Variants in CLNK observed in about 807,000 individuals in gnomAD.
CLNK encodes the protein cytokine-dependent hematopoietic cell linker.
A neutral mutation model predicts 68.6 loss-of-function variants in CLNK; 74 were observed. That is an observed-to-expected ratio of 1.08 (90% CI 0.89 to 1.31). The LOEUF is 1.31. Ranked by LOEUF, CLNK falls within the 50% of genes most tolerant of loss-of-function variation. The pLI is 0.00. For missense variants in CLNK, 553 were observed against 515.3 expected, an observed-to-expected ratio of 1.07 and a Z score of -0.71; for synonymous variants, 198 against 172.2, an observed-to-expected ratio of 1.15 and a Z score of -1.17.
intron 2 of CLNK, among the ~76,000 whole-genome samples, chr4:10,648,361 C>A (rs570687212): frequency 1.3e-5 from 2 of 152,258 alleles, no homozygotes; most frequent in Non-Finnish European, 2.9e-5. Flanking sequence ...ACTCCAAGAT[C>A]AAAGAACTAA....
intron 1 of CLNK, among the ~76,000 whole-genome samples, chr4:10,674,681 G>T (rs1724799350): frequency 6.6e-6 from 1 of 152,192 alleles, no homozygotes; most frequent in African/African-American, 2.4e-5. Flanking sequence ...TGAGTGGAGA[G>T]ACCCCTGCCT....
chr4:10,549,888 T>A (rs763827777), intron 8 of CLNK, among the ~76,000 whole-genome samples: 1 of 152,240 alleles, frequency 6.6e-6, no homozygotes, highest in Non-Finnish European at 1.5e-5. Context: ...CAGAGACTCA[T>A]TGGCTTTGCA....
the CLNK span, among the ~76,000 whole-genome samples, chr4:10,718,981 G>T: frequency 6.6e-6 from 1 of 152,130 alleles, no homozygotes; most frequent in African/African-American, 2.4e-5. Flanking sequence ...TGTAGTAAAT[G>T]TTGAATGTAT....
intron 8 of CLNK, among the ~76,000 whole-genome samples, chr4:10,543,074 T>C (rs1719099557): frequency 6.6e-6 from 1 of 152,186 alleles, no homozygotes; most frequent in Non-Finnish European, 1.5e-5. Context: ...CAGGCCAAGC[T>C]TCTGGCTCTG....
At chr4:10,551,931 T>C (rs996518682) in intron 8 of CLNK, among the ~76,000 whole-genome samples, 2 of 151,432 alleles carry the variant, frequency 1.3e-5, no homozygotes, top group African/African-American at 4.9e-5. Context: ...CACTGCAACC[T>C]CTGCCTCCCA....
intron 2 of CLNK, among the ~76,000 whole-genome samples, chr4:10,625,928 CCTT>C (rs1722650524): frequency 1.3e-5 from 2 of 152,228 alleles, no homozygotes; most frequent in Non-Finnish European, 2.9e-5. Flanking sequence ...TGTGTTATGA[CCTT>C]CTCTGTAGTG....
At chr4:10,675,116 A>T (rs1724817364) in intron 1 of CLNK, among the ~76,000 whole-genome samples, 1 of 152,238 alleles carries the variant, frequency 6.6e-6, no homozygotes, top group Non-Finnish European at 1.5e-5. Flanking sequence ...ACAAACCTGC[A>T]GGTTCTGCAC....
chr4:10,733,197 C>T, the CLNK span, among the ~76,000 whole-genome samples: 1 of 152,174 alleles, frequency 6.6e-6, no homozygotes, highest in Non-Finnish European at 1.5e-5. Flanking sequence ...TGCCAGACCT[C>T]TTTCATGGCA....
chr4:10,685,296 T>G (rs1389093629), upstream of CLNK, among the ~76,000 whole-genome samples: 1 of 152,296 alleles, frequency 6.6e-6, no homozygotes, highest in East Asian at 1.9e-4. Flanking sequence ...ATAATAATAT[T>G]TGTATTTTAG....
intron 8 of CLNK, among the ~76,000 whole-genome samples, chr4:10,545,603 G>T (rs540803576): frequency 4.1e-4 from 63 of 152,292 alleles, no homozygotes; most frequent in Middle Eastern, 3.4e-3. Context: ...ATTTTCTGCA[G>T]TGGCCTTGCT....
At chr4:10,562,090 C>G (rs1307994512) in intron 7 of CLNK, among the ~76,000 whole-genome samples, 2 of 128,514 alleles carry the variant, frequency 1.6e-5, no homozygotes, top group Admixed American at 9.5e-5. Context: ...CATTTCTTTT[C>G]TTTTTCTTTT....
At chr4:10,694,390 C>T in the CLNK span, among the ~76,000 whole-genome samples, 2 of 152,072 alleles carry the variant, frequency 1.3e-5, no homozygotes, top group South Asian at 2.1e-4. Flanking sequence ...CAGTCATGCA[C>T]TGCCTAAGGC....
intron 2 of CLNK, among the ~76,000 whole-genome samples, chr4:10,612,580 T>C (rs566186337): frequency 6.6e-6 from 1 of 152,344 alleles, no homozygotes; most frequent in African/African-American, 2.4e-5. Context: ...AAAGACTGTT[T>C]CTTTCCACTG....
chr4:10,574,716 C>T (rs1720487474), intron 4 of CLNK, among the ~76,000 whole-genome samples: 1 of 152,234 alleles, frequency 6.6e-6, no homozygotes, highest in South Asian at 2.1e-4. Flanking sequence ...ATGAAATCCA[C>T]AGGCAGACAG....
intron 3 of CLNK, among the ~76,000 whole-genome samples, chr4:10,593,365 G>A (rs1721258814): frequency 6.6e-6 from 1 of 152,080 alleles, no homozygotes; most frequent in Admixed American, 6.5e-5. Context: ...GAATAGAGGA[G>A]GACTCCAGGC....
the CLNK span, among the ~76,000 whole-genome samples, chr4:10,705,125 A>C: frequency 6.6e-6 from 1 of 152,214 alleles, no homozygotes; most frequent in Non-Finnish European, 1.5e-5. Flanking sequence ...GCTCATTACC[A>C]ACATTTGCAT....
At chr4:10,699,206 C>T in the CLNK span, among the ~76,000 whole-genome samples, 2 of 129,192 alleles carry the variant, frequency 1.5e-5, no homozygotes, top group Non-Finnish European at 3.4e-5. Flanking sequence ...CTTAAACACA[C>T]ACATACACAC....
At chr4:10,621,082 C>T (rs997590856) in intron 2 of CLNK, among the ~76,000 whole-genome samples, 1 of 152,056 alleles carries the variant, frequency 6.6e-6, no homozygotes, top group African/African-American at 2.4e-5. Flanking sequence ...GGTGACAGAG[C>T]GAGACTCCGT....
chr4:10,579,796 TCC>T (rs942796513), intron 4 of CLNK, among the ~76,000 whole-genome samples: 1 of 152,044 alleles, frequency 6.6e-6, no homozygotes, highest in Admixed American at 6.5e-5. Flanking sequence ...CCCCCACATA[TCC>T]CCACCTGTGT....
Sources: allele counts gnomAD v4.1 joint callset (sites outside exome capture counted in the v4.1 genomes callset), GRCh38; gene constraint gnomAD v4.1.1; transcripts MANE v1.5; gene names NCBI Gene and HGNC (gene_info 2026-07-23, HGNC 2026-07-21).